Variants in CPQ observed in about 807,000 individuals in gnomAD.
CPQ encodes carboxypeptidase Q.
A neutral mutation model predicts 45.7 loss-of-function variants in CPQ; 37 were observed. The ratio of observed to expected loss-of-function variants is 0.81; its 90% CI spans 0.62 to 1.07. The LOEUF is 1.07. Ranked by LOEUF, CPQ falls within the 50% of genes least tolerant of loss-of-function variation. CPQ has a pLI of 0.00. For missense variants in CPQ, 537 were observed against 572.9 expected (o/e 0.94, Z 0.64); for synonymous variants, 186 against 205.8 (o/e 0.90, Z 0.82).
At chr8:96,672,395 T>G (rs570468115) in intron 1 of CPQ, among the ~76,000 whole-genome samples, 1 of 152,304 alleles carries the variant, frequency 6.6e-6, no homozygotes, top group Non-Finnish European at 1.5e-5. Flanking sequence ...TTGATGGAAT[T>G]TCCATTCTAG....
rs1257696921 is a variant in CPQ, at chr8:96,926,571, TCTTCC to T, written c.850-39363_850-39359del. ...CTCTTCCTCTTCCTCTTCCTCTTCC[TCTTCC>T]TCTTCTTCTTCTTCTTCTTCTTCTT... On this transcript the variant is annotated intron_variant, in intron 4 of 7. Transcript: ENST00000220763. Among the ~76,000 whole-genome samples, 179 of 97,932 alleles carry T rather than the reference TCTTCC, an allele frequency of 1.8e-3. 1 individual carries two copies. The highest frequency in any genetic ancestry group is 5.5e-3 in the Middle Eastern group (1 of 182). The allele number at this position is 97,932 out of a possible 152,430, so 64.2% of individuals were successfully genotyped here.
At chr8:96,646,754 T>G (rs1563691010) in intron 1 of CPQ, among the ~76,000 whole-genome samples, 1 of 152,220 alleles carries the variant, frequency 6.6e-6, no homozygotes, top group African/African-American at 2.4e-5. Flanking sequence ...GGGATTCTTT[T>G]GTATCAGGGT....
At chr8:97,126,318 G>A (rs2130616180) in intron 7 of CPQ, among the ~76,000 whole-genome samples, 1 of 152,280 alleles carries the variant, frequency 6.6e-6, no homozygotes, top group South Asian at 2.1e-4. Context: ...TAGCTGCTGG[G>A]CAGATGTACT....
At chr8:96,758,295 C>T (rs781367893) in intron 1 of CPQ, among the ~76,000 whole-genome samples, 2 of 152,190 alleles carry the variant, frequency 1.3e-5, no homozygotes, top group Non-Finnish European at 2.9e-5. Context: ...TTTCTCACCA[C>T]TGTAGCCCCT....
chr8:97,050,459 C>G (rs1178595818), intron 6 of CPQ, among the ~76,000 whole-genome samples: 2 of 152,164 alleles, frequency 1.3e-5, no homozygotes, highest in Non-Finnish European at 2.9e-5. Flanking sequence ...TAACAAGATA[C>G]ATTCCAATTT....
chr8:96,888,639 G>A (rs114812158), intron 4 of CPQ, among the ~76,000 whole-genome samples: 1 of 152,102 alleles, frequency 6.6e-6, no homozygotes, highest in Non-Finnish European at 1.5e-5. Flanking sequence ...AGTTAAACAG[G>A]CTCCCTTTTT....
chr8:97,018,061 G>A (rs2130450271), intron 5 of CPQ, among the ~76,000 whole-genome samples: 1 of 152,276 alleles, frequency 6.6e-6, no homozygotes, highest in East Asian at 1.9e-4. Flanking sequence ...TTCATCACAG[G>A]ACTCTGTGCA....
chr8:96,992,041 T>G (rs143492410), intron 5 of CPQ, among the ~76,000 whole-genome samples: 1 of 152,192 alleles, frequency 6.6e-6, no homozygotes, highest in African/African-American at 2.4e-5. Context: ...CTTACACAGA[T>G]TGATTCTATA....
chr8:96,894,458 G>A (rs1262370008), intron 4 of CPQ, among the ~76,000 whole-genome samples: 2 of 152,148 alleles, frequency 1.3e-5, no homozygotes, highest in Admixed American at 1.3e-4. Context: ...TTTATTGGGA[G>A]GTGTTCTGGG....
intron 1 of CPQ, among the ~76,000 whole-genome samples, chr8:96,784,549 A>C (rs2130808450): frequency 6.6e-6 from 1 of 152,312 alleles, no homozygotes; most frequent in African/African-American, 2.4e-5. Context: ...ACTATACAGC[A>C]GGTAACACTG....
chr8:96,998,980 T>C (rs1236358443), intron 5 of CPQ, among the ~76,000 whole-genome samples: 1 of 152,016 alleles, frequency 6.6e-6, no homozygotes, highest in Non-Finnish European at 1.5e-5. Flanking sequence ...AAGCTAACAT[T>C]AATCAGGTGT....
chr8:96,960,219 T>A (rs1813433588), intron 4 of CPQ, among the ~76,000 whole-genome samples: 1 of 152,156 alleles, frequency 6.6e-6, no homozygotes, highest in South Asian at 2.1e-4. Context: ...TTTAATATGC[T>A]TCTGGATTCA....
At chr8:96,834,819 G>A (rs1489893617) in intron 2 of CPQ, among the ~76,000 whole-genome samples, 154 bp from the exon 3 acceptor site, 1 of 152,150 alleles carries the variant, frequency 6.6e-6, no homozygotes, top group Non-Finnish European at 1.5e-5. Context: ...TAACCCCACA[G>A]TCCTTTTCCC....
intron 1 of CPQ, among the ~76,000 whole-genome samples, chr8:96,718,748 C>T (rs893571092): frequency 1.3e-5 from 2 of 152,140 alleles, no homozygotes; most frequent in Admixed American, 1.3e-4. Flanking sequence ...GGTGCGTTTA[C>T]AATCCCTGAG....
chr8:96,736,159 C>T (rs1481661093), intron 1 of CPQ, among the ~76,000 whole-genome samples: 1 of 152,194 alleles, frequency 6.6e-6, no homozygotes, highest in Non-Finnish European at 1.5e-5. Context: ...AGTATCATTT[C>T]CATCTTATGA....
chr8:96,687,730 A>C lies in CPQ; in HGVS notation c.-35+42328A>C, dbSNP rs975864844. Among the ~76,000 whole-genome samples the C allele has an allele frequency of 4.6e-5, 7 of 151,998 alleles. 1 individual carries two copies. Among genetic ancestry groups the C allele is most frequent in the African/African-American group, 1.7e-4 (7 of 41,392 alleles). On this transcript the variant is annotated intron_variant, in intron 1 of 7. Coordinates refer to ENST00000220763, the MANE Select transcript of CPQ (RefSeq NM_016134.4). ...ATCCTATAATTTCAGTTTTGATTTTATATTTGATGCAAAACTTAACAGAAT... is the reference window on the plus strand; with the variant it reads ...ATCCTATAATTTCAGTTTTGATTTTCTATTTGATGCAAAACTTAACAGAAT...
intron 1 of CPQ, among the ~76,000 whole-genome samples, chr8:96,780,712 T>TC (rs1416403354): frequency 1.4e-5 from 2 of 146,010 alleles, no homozygotes; most frequent in Non-Finnish European, 3.0e-5. Flanking sequence ...TTTCTTTACT[T>TC]TTTTTTTTTT....
At chr8:97,141,916 C>A (rs907537432) in intron 7 of CPQ, among the ~76,000 whole-genome samples, 1 of 151,948 alleles carries the variant, frequency 6.6e-6, no homozygotes, top group South Asian at 2.1e-4. Context: ...TATCTGTACA[C>A]GTATAATTGT....
intron 5 of CPQ, among the ~76,000 whole-genome samples, chr8:96,998,201 A>G (rs1284898302): frequency 1.3e-5 from 2 of 152,040 alleles, no homozygotes; most frequent in African/African-American, 4.8e-5. Context: ...AATGTGAATA[A>G]CATCCACTAA....
Sources: allele counts gnomAD v4.1 joint callset (sites outside exome capture counted in the v4.1 genomes callset), GRCh38; gene constraint gnomAD v4.1.1; transcripts MANE v1.5; gene names NCBI Gene and HGNC (gene_info 2026-07-23, HGNC 2026-07-21).